Variants in CEP128 observed in about 807,000 individuals in gnomAD.
The protein encoded by CEP128 is centrosomal protein 128.
In CEP128, 132 loss-of-function variants were observed where a neutral mutation model predicts 156.7. The ratio of observed to expected loss-of-function variants is 0.84; its 90% CI spans 0.73 to 0.97. The LOEUF (loss-of-function observed/expected upper bound fraction) is 0.97. CEP128 is among the 50% of genes least tolerant of loss of function. CEP128 has a pLI of 0.00. For synonymous variants in CEP128, 469 were observed against 448.9 expected (o/e 1.04, Z -0.57); for missense variants, 1,252 against 1,281.9 (o/e 0.98, Z 0.36).
At chr14:80,697,448 G>A (rs1896928436) in intron 19 of CEP128, among the ~76,000 whole-genome samples, 2 of 151,972 alleles carry the variant, frequency 1.3e-5, no homozygotes, top group African/African-American at 4.8e-5. Context: ...CTGAAATTGG[G>A]AATTCTTAAT....
intron 19 of CEP128, among the ~76,000 whole-genome samples, chr14:80,725,442 C>A (rs528094453): frequency 7.2e-5 from 11 of 152,254 alleles, no homozygotes; most frequent in African/African-American, 2.6e-4. Context: ...CTCAGCCTCC[C>A]ACAGTGCTGG....
At chr14:80,905,755 G>GAAA (rs60483596) in intron 5 of CEP128, 200 bp downstream of exon 5, 111 of 392,210 alleles carry the variant, frequency 2.8e-4, no homozygotes, top group East Asian at 4.7e-4. Flanking sequence ...CAGAGTTTGA[G>GAAA]AAAAAAAAAA....
intron 21 of CEP128, 24 bp downstream of exon 21, chr14:80,559,255 G>A (rs759064291): frequency 1.3e-5 from 21 of 1,599,428 alleles, no homozygotes; most frequent in South Asian, 2.2e-5. Context: ...CTGATAAAAG[G>A]AGAAAGAAAA....
intron 2 of CEP128, chr14:80,957,716 A>G (rs1239476408): frequency 2.0e-5 from 3 of 152,232 alleles, no homozygotes; most frequent in Non-Finnish European, 4.4e-5. Context: ...ATGGAACAGG[A>G]GTCAGGAAAC....
At position 80,591,326 on chromosome 14, in the gene CEP128, A is replaced by G. The variant is rs572111424; in HGVS notation, c.2807-10903T>C. The stretch of plus-strand genomic sequence containing the variant: ...GGATGGAGGAATATTTACCAAGCAA[A>G]TGGAAAGAAAAAAAAAAGCAGGGGT... On this transcript the variant is annotated intron_variant, in intron 19 of 24. Transcript: ENST00000555265. 1.2e-4 allele frequency among the ~76,000 whole-genome samples: 18 copies of G among 152,208 alleles called. No homozygotes were observed. In the South Asian group the frequency reaches 3.7e-3, roughly 32 times the overall value.
intron 19 of CEP128, among the ~76,000 whole-genome samples, chr14:80,613,004 CG>C (rs1414378611): frequency 1.7e-5 from 2 of 118,004 alleles, no homozygotes; most frequent in African/African-American, 5.9e-5. Context: ...CCACACCCGG[CG>C]AATTTTTTTT....
At position 80,904,654 on chromosome 14, in the gene CEP128, A is replaced by G. The variant is rs1015791368; in HGVS notation, c.480+159T>C. Among the ~76,000 whole-genome samples the G allele has an allele frequency of 4.6e-5, 7 of 152,100 alleles. No individual in the cohort carries two copies. The South Asian group carries it at 1.5e-3, about 32-fold the overall frequency. On this transcript the variant is annotated intron_variant, in intron 6 of 24. Coordinates refer to ENST00000555265, the MANE Select transcript of CEP128 (RefSeq NM_152446.5). The stretch of plus-strand genomic sequence containing the variant: ...AGCAAGAAAACAATAATAAAAAGTA[A>G]AAGTCGTTTACTTGGTTCCAAAAAA...
chr14:80,498,087 C>A (rs1231684771), intron 24 of CEP128, among the ~76,000 whole-genome samples: 2 of 152,182 alleles, frequency 1.3e-5, no homozygotes, highest in Admixed American at 6.5e-5. Context: ...TATCTCTACT[C>A]TCTGATGCCT....
intron 19 of CEP128, among the ~76,000 whole-genome samples, chr14:80,633,105 T>A (rs1018811105): frequency 5.3e-5 from 8 of 151,944 alleles, no homozygotes; most frequent in African/African-American, 1.9e-4. Flanking sequence ...TGTGTGTCTG[T>A]AGTCCCAGCT....
intron 9 of CEP128, among the ~76,000 whole-genome samples, chr14:80,849,787 A>G (rs1258016197): frequency 6.6e-6 from 1 of 152,140 alleles, no homozygotes; most frequent in Non-Finnish European, 1.5e-5. Flanking sequence ...CAGAACACCA[A>G]TAGAAAATAA....
In CEP128 at chr14:80,582,406, TC is replaced by T. The variant is rs547986936; in HGVS notation, c.2807-1984del. ...CTAATAGATGCACTGGAAAAGAGGA[TC>T]CCAAATCTGAAGGCAATAACAACTA... On this transcript the variant is annotated intron_variant, in intron 19 of 24. Coordinates refer to ENST00000555265, the MANE Select transcript of CEP128 (RefSeq NM_152446.5). Among the ~76,000 whole-genome samples the T allele has an allele frequency of 2.7e-3, 412 of 152,230 alleles. 1 individual carries two copies. The highest frequency in any genetic ancestry group is 4.4e-3 in the Non-Finnish European group (302 of 68,020).
intron 8 of CEP128, among the ~76,000 whole-genome samples, chr14:80,884,946 G>A (rs567719029): frequency 4.6e-5 from 7 of 152,294 alleles, no homozygotes; most frequent in South Asian, 4.1e-4. Flanking sequence ...GTCTGAAGTC[G>A]AACTTGGTGG....
intron 19 of CEP128, among the ~76,000 whole-genome samples, chr14:80,599,084 C>G (rs1029100418): frequency 6.6e-6 from 1 of 152,132 alleles, no homozygotes; most frequent in African/African-American, 2.4e-5. Flanking sequence ...TTTCTTACTT[C>G]ATGTGAATCT....
At chr14:80,607,044 TATAC>T (rs1892811207) in intron 19 of CEP128, among the ~76,000 whole-genome samples, 2 of 151,554 alleles carry the variant, frequency 1.3e-5, no homozygotes, top group South Asian at 4.2e-4. Flanking sequence ...GATACACACA[TATAC>T]ATATATGTAC....
At chr14:80,532,189 A>G (rs1180732368) in intron 21 of CEP128, among the ~76,000 whole-genome samples, 1 of 133,990 alleles carries the variant, frequency 7.5e-6, no homozygotes, top group Non-Finnish European at 1.6e-5. Flanking sequence ...AATTATGAGT[A>G]TATATATATA....
chr14:80,492,214 T>C (rs933179479), downstream of CEP128, among the ~76,000 whole-genome samples: 5 of 152,318 alleles, frequency 3.3e-5, no homozygotes, highest in African/African-American at 1.2e-4. Context: ...GTGATATGAA[T>C]AGGTTCTCTG....
intron 19 of CEP128, among the ~76,000 whole-genome samples, chr14:80,703,513 GAA>G: frequency 6.8e-6 from 1 of 146,170 alleles, no homozygotes; most frequent in East Asian, 2.0e-4. Flanking sequence ...GGAGAAATTA[GAA>G]AAAAAAAAGT....
rs146289642 is a variant in CEP128 at position 80,781,787 on chromosome 14, A to C, written c.2211+3108T>G. Among the ~76,000 whole-genome samples the C allele has an allele frequency of 1.6e-3, 247 of 152,302 alleles. 1 individual carries two copies. Among genetic ancestry groups the C allele is most frequent in the African/African-American group, 5.0e-3 (208 of 41,574 alleles). ...TCCATATGCCAATGTATCCATGAGC[A>C]AATGCAGTTACTATTTCTCACTGAA... On this transcript the variant is annotated intron_variant, in intron 15 of 24. Transcript: ENST00000555265.
At chr14:80,956,226 G>T (rs1886672800) in intron 2 of CEP128, among the ~76,000 whole-genome samples, 1 of 152,112 alleles carries the variant, frequency 6.6e-6, no homozygotes, top group African/African-American at 2.4e-5. Context: ...TCTTACCTTG[G>T]GTAATAAAAA....
Sources: allele counts gnomAD v4.1 joint callset (sites outside exome capture counted in the v4.1 genomes callset), GRCh38; gene constraint gnomAD v4.1.1; transcripts MANE v1.5; gene names NCBI Gene and HGNC (gene_info 2026-07-23, HGNC 2026-07-21).